The following C1orf21 variants were observed in gnomAD, a reference collection of about 807,000 sequenced individuals.
C1orf21 encodes the protein chromosome 1 open reading frame 21.
Under a neutral mutation model 18.7 loss-of-function variants are expected in C1orf21, and 3 were observed. The observed-to-expected ratio is 0.16, with a 90% CI of 0.07 to 0.42. The LOEUF is 0.42. C1orf21 is among the 10% of genes least tolerant of loss of function. C1orf21 has a pLI of 0.99. For missense variants in C1orf21, 104 were observed against 143.6 expected (o/e 0.72, Z 1.41); for synonymous variants, 41 against 46.4 (o/e 0.88, Z 0.47).
chr1:184,572,269 A>G (rs892781712), intron 3 of C1orf21, among the ~76,000 whole-genome samples: 1 of 152,236 alleles, frequency 6.6e-6, no homozygotes, highest in Admixed American at 6.5e-5. Context: ...GGAACAAATT[A>G]AGCATGATTG....
chr1:184,582,208 A>G (rs1659285148), intron 3 of C1orf21, among the ~76,000 whole-genome samples: 1 of 152,266 alleles, frequency 6.6e-6, no homozygotes, highest in South Asian at 2.1e-4. Flanking sequence ...AATCAAGTGT[A>G]AGACATCAAA....
chr1:184,577,048 T>A (rs564923948), intron 3 of C1orf21, among the ~76,000 whole-genome samples: 2 of 152,102 alleles, frequency 1.3e-5, no homozygotes, highest in South Asian at 4.2e-4. Flanking sequence ...GAGGGCACAC[T>A]GTGGTAAGCT....
At chr1:184,579,226 A>G (rs1031611742) in intron 3 of C1orf21, among the ~76,000 whole-genome samples, 28 of 116,812 alleles carry the variant, frequency 2.4e-4, no homozygotes, top group African/African-American at 8.5e-4. Context: ...TTTTTTTGGT[A>G]TTTTTAGTAG....
At position 184,507,557 on chromosome 1, in the gene C1orf21, A is replaced by G. The variant is rs183534578; in HGVS notation, c.95-31A>G. The G allele has an allele frequency of 1.6e-4, 255 of 1,554,356 alleles. 2 individuals are homozygous for G. The East Asian group carries it at 3.9e-3, about 24-fold the overall frequency. ...CTTTTCTACTATTGGGAAAAAAATT[A>G]TAAAATGTGTTTTCTTTTTTTGGCA... On this transcript the variant is annotated intron_variant, in intron 2 of 5. Transcript: ENST00000235307.
At chr1:184,611,520 T>G (rs1659736381) in intron 5 of C1orf21, among the ~76,000 whole-genome samples, 1 of 152,194 alleles carries the variant, frequency 6.6e-6, no homozygotes, top group South Asian at 2.1e-4. Context: ...ATGCTCAAGC[T>G]GCAGAACGTG....
intron 1 of C1orf21, among the ~76,000 whole-genome samples, chr1:184,428,677 T>C (rs927415497): frequency 6.6e-6 from 1 of 152,228 alleles, no homozygotes; most frequent in Non-Finnish European, 1.5e-5. Flanking sequence ...GATTTACTTT[T>C]GTATCTTAGA....
intron 3 of C1orf21, among the ~76,000 whole-genome samples, chr1:184,519,353 A>G (rs1184616490): frequency 6.6e-6 from 1 of 152,212 alleles, no homozygotes. Flanking sequence ...CATAAACAAT[A>G]CTTTAGATTT....
intron 3 of C1orf21, among the ~76,000 whole-genome samples, chr1:184,510,377 G>A (rs939786819): frequency 6.6e-6 from 1 of 152,198 alleles, no homozygotes; most frequent in African/African-American, 2.4e-5. Context: ...TGCTTGTATT[G>A]CAGTGGACAA....
At chr1:184,520,699 A>G (rs1658294268) in intron 3 of C1orf21, among the ~76,000 whole-genome samples, 1 of 141,422 alleles carries the variant, frequency 7.1e-6, no homozygotes, top group African/African-American at 2.8e-5. Flanking sequence ...TTTCTTATTT[A>G]TTGTACTTTA....
At chr1:184,524,771 GCA>G (rs1658354714) in intron 3 of C1orf21, among the ~76,000 whole-genome samples, 1 of 152,014 alleles carries the variant, frequency 6.6e-6, no homozygotes, top group Admixed American at 6.6e-5. Flanking sequence ...CTAAAGAGGA[GCA>G]CCCTTCCTCA....
chr1:184,445,284 T>C (rs1657010696), intron 1 of C1orf21, among the ~76,000 whole-genome samples: 1 of 151,932 alleles, frequency 6.6e-6, no homozygotes, highest in Admixed American at 6.6e-5. Flanking sequence ...AGGCATGTTT[T>C]CAGAGAAAGT....
chr1:184,489,593 G>A (rs1657787057), intron 2 of C1orf21, among the ~76,000 whole-genome samples: 1 of 152,142 alleles, frequency 6.6e-6, no homozygotes, highest in Non-Finnish European at 1.5e-5. Flanking sequence ...AACGTAATTG[G>A]ACAAGTGTGC....
chr1:184,615,927 T>G (rs1659816108), intron 5 of C1orf21, among the ~76,000 whole-genome samples: 2 of 152,214 alleles, frequency 1.3e-5, no homozygotes, highest in Admixed American at 1.3e-4. Context: ...GAGTTATCAT[T>G]TCTTTGTGTT....
At chr1:184,569,278 G>A (rs1659077713) in intron 3 of C1orf21, among the ~76,000 whole-genome samples, 2 of 152,194 alleles carry the variant, frequency 1.3e-5, no homozygotes, top group African/African-American at 4.8e-5. Flanking sequence ...TAGAGCAGGT[G>A]GTGGTTCGCT....
chr1:184,606,034 A>G (rs901175987), intron 5 of C1orf21, among the ~76,000 whole-genome samples: 2 of 152,210 alleles, frequency 1.3e-5, no homozygotes, highest in African/African-American at 4.8e-5. Flanking sequence ...AGAATCGCAC[A>G]GTTTCCAGTG....
chr1:184,416,831 T>C (rs1656460247), intron 1 of C1orf21, among the ~76,000 whole-genome samples: 1 of 152,212 alleles, frequency 6.6e-6, no homozygotes, highest in South Asian at 2.1e-4. Flanking sequence ...AGCAATGTTT[T>C]TCATCGTGTT....
intron 5 of C1orf21, among the ~76,000 whole-genome samples, chr1:184,603,681 G>C (rs182553573): frequency 6.6e-6 from 1 of 152,276 alleles, no homozygotes; most frequent in Non-Finnish European, 1.5e-5. Context: ...TATAATCCCA[G>C]CTACTCGGGA....
intron 2 of C1orf21, among the ~76,000 whole-genome samples, chr1:184,497,962 A>C (rs540813536): frequency 6.6e-6 from 1 of 151,922 alleles, no homozygotes; most frequent in African/African-American, 2.4e-5. Flanking sequence ...TCTCTCTTCT[A>C]CCTCAAAAAT....
chr1:184,410,639 ATATATATATATATATATATATATATTT>A lies in C1orf21; in HGVS notation c.-125+23273_-125+23299del, dbSNP rs1656326108. On this transcript the variant is annotated intron_variant, in intron 1 of 5. Transcript: ENST00000235307. ...ATATTATATATATATATATATATAT[ATATATATATATATATATATATATATTT>A]TTTTTTTTTTTTTTTGAGATGGAGT... 5.0e-4 allele frequency among the ~76,000 whole-genome samples: 2 copies of A among 4,000 alleles called. 1 individual carries two copies. Among genetic ancestry groups the A allele is most frequent in the African/African-American group, 0.01 (2 of 196 alleles). The allele number at this position is 4,000 out of a possible 152,430, so 2.6% of individuals were successfully genotyped here.
Sources: allele counts gnomAD v4.1 joint callset (sites outside exome capture counted in the v4.1 genomes callset), GRCh38; gene constraint gnomAD v4.1.1; transcripts MANE v1.5; gene names NCBI Gene and HGNC (gene_info 2026-07-23, HGNC 2026-07-21).